CORIN: variants seen among roughly 807,000 people sequenced by gnomAD.
The protein encoded by CORIN is corin, serine peptidase.
Under a neutral mutation model 125.3 loss-of-function variants are expected in CORIN, and 117 were observed. That is an observed-to-expected ratio of 0.93 (90% CI 0.80 to 1.09). CORIN has a LOEUF of 1.09. Ranked by LOEUF, CORIN falls within the 50% of genes least tolerant of loss-of-function variation. The pLI is 0.00. For missense variants in CORIN, 1,253 were observed against 1,306.7 expected (o/e 0.96, Z 0.63); for synonymous variants, 450 against 466.4 (o/e 0.96, Z 0.45).
intron 10 of CORIN, among the ~76,000 whole-genome samples, chr4:47,666,197 T>A (rs1245588943): frequency 6.6e-6 from 1 of 152,110 alleles, no homozygotes; most frequent in African/African-American, 2.4e-5. Flanking sequence ...CCAGAATGAG[T>A]CTTTTGTGAG....
chr4:47,729,436 A>T (rs1042140687), intron 5 of CORIN, among the ~76,000 whole-genome samples: 1 of 152,178 alleles, frequency 6.6e-6, no homozygotes. Context: ...ACAGCTGATT[A>T]AAAGAACTGA....
chr4:47,743,957 C>T (rs931651508), intron 5 of CORIN, among the ~76,000 whole-genome samples: 1 of 151,400 alleles, frequency 6.6e-6, no homozygotes, highest in African/African-American at 2.4e-5. Flanking sequence ...GGATACAATG[C>T]AAATGTCCAT....
At chr4:47,664,885 C>A in intron 11 of CORIN, 147 bp downstream of exon 11, 1 of 539,962 alleles carries the variant, frequency 1.9e-6, no homozygotes, top group Non-Finnish European at 3.3e-6. Flanking sequence ...ACAACTTCTA[C>A]TTCTTTGTCT....
At chr4:47,730,336 G>A (rs62299229) in intron 5 of CORIN, among the ~76,000 whole-genome samples, 14,906 of 152,058 alleles carry the variant, frequency 0.098, 864 homozygotes, top group East Asian at 0.27. Flanking sequence ...AGCCAGGCGT[G>A]GTGGCGGCTG....
intron 5 of CORIN, among the ~76,000 whole-genome samples, chr4:47,742,215 TC>T (rs1345961817): frequency 6.6e-6 from 1 of 151,980 alleles, no homozygotes; most frequent in Non-Finnish European, 1.5e-5. Flanking sequence ...AGAAAGAGCT[TC>T]CTTAATCTGA....
chr4:47,818,731 G>A (rs1282971703), intron 1 of CORIN, among the ~76,000 whole-genome samples: 1 of 152,044 alleles, frequency 6.6e-6, no homozygotes, highest in Non-Finnish European at 1.5e-5. Context: ...AAATTAGCCA[G>A]ACGTGGTGGT....
At chr4:47,632,778 TA>T (rs1443083345) in intron 16 of CORIN, among the ~76,000 whole-genome samples, 1 of 117,716 alleles carries the variant, frequency 8.5e-6, no homozygotes. Flanking sequence ...GATAGATAGT[TA>T]GATAGATTTT....
intron 5 of CORIN, 46 bp from the exon 6 acceptor site, chr4:47,693,129 T>C: frequency 7.9e-7 from 1 of 1,272,926 alleles, no homozygotes; most frequent in African/African-American, 1.5e-5. Context: ...GATGGGTTTT[T>C]TTTCTTTTAA....
At chr4:47,825,546 T>C (rs1204406881) in intron 1 of CORIN, among the ~76,000 whole-genome samples, 1 of 152,042 alleles carries the variant, frequency 6.6e-6, no homozygotes, top group Non-Finnish European at 1.5e-5. Context: ...CTAACATTCA[T>C]AGATAAAGAC....
chr4:47,604,784 G>T (rs1290356946), intron 19 of CORIN, among the ~76,000 whole-genome samples: 3 of 151,916 alleles, frequency 2.0e-5, no homozygotes, highest in Non-Finnish European at 4.4e-5. Context: ...TCTAATCTTA[G>T]TCCCTGTAGT....
chr4:47,765,097 G>T (rs187980337), intron 3 of CORIN, among the ~76,000 whole-genome samples: 223 of 152,160 alleles, frequency 1.5e-3, no homozygotes, highest in Non-Finnish European at 1.2e-3. Flanking sequence ...AGATCACGAG[G>T]TCAGGAGACT....
rs1721171766 is a variant in CORIN, at chr4:47,594,364, G to C, written c.*1357C>G. ...CAGTCCAGGTTGCTGGTGGAGGTTAGTAGGGAATCCTAGTTGTTTAAAAGG... is the reference window on the plus strand; with the variant it reads ...CAGTCCAGGTTGCTGGTGGAGGTTACTAGGGAATCCTAGTTGTTTAAAAGG... On this transcript the variant is annotated 3_prime_UTR_variant, in exon 22 of 22. Coordinates refer to ENST00000273857, the MANE Select transcript of CORIN (RefSeq NM_006587.4). 6.6e-6 allele frequency: 1 copy of C among 152,568 alleles called. No homozygotes were observed. The highest frequency in any genetic ancestry group is 1.5e-5 in the Non-Finnish European group (1 of 68,006). The allele number at this position is 152,568 out of a possible 1,614,324, so 9.5% of individuals were successfully genotyped here.
intron 4 of CORIN, among the ~76,000 whole-genome samples, chr4:47,747,763 T>C (rs1728724452): frequency 1.3e-5 from 2 of 152,312 alleles, no homozygotes; most frequent in South Asian, 4.1e-4. Flanking sequence ...GGGCAATAGC[T>C]CACTCATGTC....
At chr4:47,739,197 CAAA>C (rs1728271047) in intron 5 of CORIN, among the ~76,000 whole-genome samples, 1 of 151,766 alleles carries the variant, frequency 6.6e-6, no homozygotes, top group African/African-American at 2.4e-5. Context: ...ATCTGCATAA[CAAA>C]GAAGTACAAA....
chr4:47,699,363 A>G (rs1726180200), intron 5 of CORIN, among the ~76,000 whole-genome samples: 1 of 152,176 alleles, frequency 6.6e-6, no homozygotes, highest in Non-Finnish European at 1.5e-5. Context: ...CAGGGCAGGC[A>G]CTACACTAAC....
In CORIN at chr4:47,712,496, T is replaced by A. The variant is rs184829057; in HGVS notation, c.800-19413A>T. Among the ~76,000 whole-genome samples, 12 of 152,258 alleles carry A rather than the reference T, an allele frequency of 7.9e-5. No individual in the cohort carries two copies. In the East Asian group the frequency reaches 2.3e-3, roughly 29 times the overall value. Reference sequence around the variant, plus strand: ...CAGGGTTTCCCCATGTTGCCCAGGCTGGTCTTGAACTCCTGGGCTCAAACA... The same window carrying A: ...CAGGGTTTCCCCATGTTGCCCAGGCAGGTCTTGAACTCCTGGGCTCAAACA... On this transcript the variant is annotated intron_variant, in intron 5 of 21. Transcript: ENST00000273857.
intron 5 of CORIN, chr4:47,706,769 A>C: frequency 6.3e-7 from 1 of 1,598,818 alleles, no homozygotes; most frequent in Non-Finnish European, 8.5e-7. Context: ...TTTTGAGGTT[A>C]TCCTCATTGA....
chr4:47,600,073 T>A (rs1300191937), intron 21 of CORIN, 141 bp downstream of exon 21: 1 of 670,186 alleles, frequency 1.5e-6, no homozygotes, highest in East Asian at 2.8e-5. Flanking sequence ...TGCAGGAAAA[T>A]GTGCTGTTAA....
intron 7 of CORIN, 189 bp from the exon 8 acceptor site, chr4:47,680,440 T>C (rs563756293): frequency 7.4e-6 from 4 of 537,518 alleles, no homozygotes; most frequent in African/African-American, 1.9e-5. Context: ...CTGACCACCA[T>C]CACTGTGGGG....
Sources: gnomAD v4.1 joint callset for allele counts (sites outside exome capture counted in the v4.1 genomes callset) on GRCh38, gnomAD v4.1.1 for gene constraint, MANE v1.5 for transcripts, NCBI Gene and HGNC (gene_info 2026-07-23, HGNC 2026-07-21) for gene names.